CTNNA3: variants seen among roughly 807,000 people sequenced by gnomAD.
The protein encoded by CTNNA3 is catenin alpha 3.
In CTNNA3, 76 loss-of-function variants were observed where a neutral mutation model predicts 95.7. The ratio of observed to expected loss-of-function variants is 0.79; its 90% CI spans 0.66 to 0.96. CTNNA3 has a LOEUF of 0.96. Ranked by LOEUF, CTNNA3 falls within the 40% of genes least tolerant of loss-of-function variation. The pLI, the probability that CTNNA3 is intolerant of heterozygous loss-of-function variation, is 0.00. For synonymous variants in CTNNA3, 431 were observed against 374.4 expected, an observed-to-expected ratio of 1.15 and a Z score of -1.74; for missense variants, 1,191 against 1,089.8, an observed-to-expected ratio of 1.09 and a Z score of -1.31.
At chr10:67,510,349 T>G (rs957286936) in intron 5 of CTNNA3, among the ~76,000 whole-genome samples, 3 of 152,192 alleles carry the variant, frequency 2.0e-5, no homozygotes, top group African/African-American at 7.2e-5. Flanking sequence ...TAATTCATCT[T>G]GAATTAATTT....
chr10:66,196,761 G>A (rs79413239), intron 13 of CTNNA3, among the ~76,000 whole-genome samples: 3,167 of 152,248 alleles, frequency 0.021, 35 homozygotes, highest in Non-Finnish European at 0.034. Context: ...CAGGCAGAAC[G>A]GAGCAATGGA....
chr10:67,589,099 A>G (rs1038286977), intron 3 of CTNNA3, among the ~76,000 whole-genome samples: 2 of 152,106 alleles, frequency 1.3e-5, no homozygotes, highest in Admixed American at 6.6e-5. Context: ...GGAAAGACAG[A>G]TAGTATACAG....
Position 67,219,664 on chromosome 10 carries a change from C to CAT in CTNNA3, c.784_785dup (p.Met262IlefsTer2). The CAT allele has an allele frequency of 6.2e-7, 1 of 1,614,150 alleles. No individual in the cohort carries two copies. The highest frequency in any genetic ancestry group is 1.1e-5 in the South Asian group (1 of 91,076). On this transcript the variant is annotated frameshift_variant, in exon 6 of 18. Transcript: ENST00000433211. LOFTEE classifies it high-confidence loss of function. Reference sequence around the variant, plus strand: ...CTGCCTGAGGTTCTGGTGGGGTTGTCATATTCTGGATCCCTTGTGAAGCAT... The same window carrying CAT: ...CTGCCTGAGGTTCTGGTGGGGTTGTCATATATTCTGGATCCCTTGTGAAGCAT...
At chr10:67,587,200 T>TGTGC (rs1842655382) in intron 3 of CTNNA3, among the ~76,000 whole-genome samples, 1 of 129,696 alleles carries the variant, frequency 7.7e-6, no homozygotes, top group South Asian at 2.9e-4. Flanking sequence ...AACTTGTGTG[T>TGTGC]GTGTGTGTGT....
chr10:67,417,386 C>T (rs1210911006), intron 5 of CTNNA3, among the ~76,000 whole-genome samples: 1 of 152,088 alleles, frequency 6.6e-6, no homozygotes, highest in Non-Finnish European at 1.5e-5. Context: ...CCCCAAACCT[C>T]GGCATCATGC....
intron 15 of CTNNA3, among the ~76,000 whole-genome samples, chr10:66,018,853 AG>A (rs2079145473): frequency 6.6e-6 from 1 of 152,214 alleles, no homozygotes; most frequent in East Asian, 1.9e-4. Flanking sequence ...ACATCTTTGA[AG>A]GAAAAAAAAT....
At chr10:66,713,127 C>T (rs1363671200) in intron 9 of CTNNA3, among the ~76,000 whole-genome samples, 1 of 152,164 alleles carries the variant, frequency 6.6e-6, no homozygotes, top group Non-Finnish European at 1.5e-5. Flanking sequence ...AACCACAAAG[C>T]TAGCAGGCTG....
At chr10:66,866,162 A>T (rs918182173) in intron 7 of CTNNA3, among the ~76,000 whole-genome samples, 1 of 152,186 alleles carries the variant, frequency 6.6e-6, no homozygotes, top group Non-Finnish European at 1.5e-5. Flanking sequence ...GTTACTTCAC[A>T]TAGTCACAAA....
chr10:66,407,148 T>C (rs2093063789), intron 11 of CTNNA3, among the ~76,000 whole-genome samples: 1 of 152,042 alleles, frequency 6.6e-6, no homozygotes, highest in South Asian at 2.1e-4. Flanking sequence ...GGTAGAATGC[T>C]TTCTTAAAAG....
In CTNNA3 at chr10:67,750,544, C is replaced by T. The variant is rs543159076; in HGVS notation, c.-2+12890G>A. 1.5e-3 allele frequency: 2,399 copies of T among 1,577,482 alleles called. 5 individuals are homozygous for T. Among genetic ancestry groups the T allele is most frequent in the Non-Finnish European group, 2.0e-3 (2,258 of 1,146,956 alleles). ...TGTGGCCCACTTTCTTTGAGAGACCCCTTGTGAGGAAAGCCTTTGAGAAGA... is the reference window on the plus strand; with the variant it reads ...TGTGGCCCACTTTCTTTGAGAGACCTCTTGTGAGGAAAGCCTTTGAGAAGA... On this transcript the variant is annotated intron_variant, in intron 1 of 17. Coordinates refer to the CTNNA3 transcript ENST00000684154.
intron 13 of CTNNA3, among the ~76,000 whole-genome samples, chr10:66,239,341 T>C (rs952273409): frequency 2.6e-5 from 4 of 151,914 alleles, no homozygotes; most frequent in African/African-American, 9.7e-5. Flanking sequence ...CTTTTAACTT[T>C]GGAGATTGAA....
In CTNNA3 at chr10:65,919,692, A is replaced by G. The variant is rs2077052915; in HGVS notation, c.*638T>C. On this transcript the variant is annotated 3_prime_UTR_variant, in exon 18 of 18. Coordinates refer to ENST00000433211, the MANE Select transcript of CTNNA3 (RefSeq NM_013266.4). ...ATGTTAAGAAAGCATTTTATTAATA[A>G]ACAAGGTTGACCTTCAAAATCCAGC... The G allele has an allele frequency of 6.6e-6, 1 of 152,322 alleles. No individual in the cohort carries two copies. The highest frequency in any genetic ancestry group is 2.4e-5 in the African/African-American group (1 of 41,460). The allele number at this position is 152,322 out of a possible 1,614,324, so 9.4% of individuals were successfully genotyped here. A position where few individuals can be genotyped will look rare whatever the true frequency, so the allele number is the denominator to read the frequency against.
intron 5 of CTNNA3, among the ~76,000 whole-genome samples, chr10:67,366,275 T>C (rs1843214133): frequency 6.6e-6 from 1 of 152,016 alleles, no homozygotes; most frequent in African/African-American, 2.4e-5. Flanking sequence ...AGTTGATGGG[T>C]GCAGCAAACC....
chr10:66,602,544 C>A (rs1423705089), intron 10 of CTNNA3, among the ~76,000 whole-genome samples: 1 of 151,884 alleles, frequency 6.6e-6, no homozygotes, highest in East Asian at 1.9e-4. Context: ...GAAAATGCTG[C>A]TAGAATTGCT....
intron 7 of CTNNA3, among the ~76,000 whole-genome samples, chr10:66,873,158 G>A (rs1290336787): frequency 3.9e-5 from 6 of 152,166 alleles, no homozygotes; most frequent in Admixed American, 3.9e-4. Flanking sequence ...GATGAACAGA[G>A]GAGTGCACGT....
intron 7 of CTNNA3, among the ~76,000 whole-genome samples, chr10:66,867,024 T>G (rs1844206455): frequency 6.6e-6 from 1 of 152,106 alleles, no homozygotes; most frequent in Admixed American, 6.6e-5. Context: ...TGGCTCTCAT[T>G]TTCTCTCTTG....
chr10:66,426,684 C>G (rs4603190), intron 11 of CTNNA3, among the ~76,000 whole-genome samples: 57,753 of 150,882 alleles, frequency 0.38, 11,536 homozygotes, highest in African/African-American at 0.5. Context: ...TAACTTCTTT[C>G]TTTATTCCAT....
chr10:67,743,151 A>G (rs1006513234), intron 1 of CTNNA3, among the ~76,000 whole-genome samples: 1 of 151,168 alleles, frequency 6.6e-6, no homozygotes, highest in Admixed American at 6.6e-5. Flanking sequence ...AACTCATTTT[A>G]TGAGGCCAGC....
chr10:66,368,118 A>C (rs2092726823), intron 12 of CTNNA3, among the ~76,000 whole-genome samples: 2 of 150,784 alleles, frequency 1.3e-5, no homozygotes, highest in Non-Finnish European at 3.0e-5. Context: ...GTCATTTCTC[A>C]AGAAGATCTA....
Sources: gnomAD v4.1 joint callset for allele counts (sites outside exome capture counted in the v4.1 genomes callset) on GRCh38, gnomAD v4.1.1 for gene constraint, MANE v1.5 for transcripts, NCBI Gene and HGNC (gene_info 2026-07-23, HGNC 2026-07-21) for gene names.